The following ZMYM1 variants were observed in gnomAD, a reference collection of about 807,000 sequenced individuals.
ZMYM1 encodes the protein zinc finger MYM-type containing 1, also known as zinc finger MYM-type protein 1.
Under a neutral mutation model 60.0 loss-of-function variants are expected in ZMYM1, and 39 were observed. The observed-to-expected ratio is 0.65, with a 90% CI of 0.50 to 0.85. ZMYM1 has a LOEUF of 0.85. Ranked by LOEUF, ZMYM1 falls within the 40% of genes least tolerant of loss-of-function variation. The pLI is 0.00. For missense variants in ZMYM1, 1,171 were observed against 1,309.5 expected (o/e 0.89, Z 1.63); for synonymous variants, 413 against 454.0 (o/e 0.91, Z 1.15).
At position 35,093,943 on chromosome 1, in the gene ZMYM1, C is replaced by T. The variant is rs1457967560; in HGVS notation, c.-45C>T. 3 of 1,367,374 alleles carry T rather than the reference C, an allele frequency of 2.2e-6. No individual in the cohort carries two copies. Among genetic ancestry groups the T allele is most frequent in the South Asian group, 1.3e-5 (1 of 75,310 alleles). 84.7% of individuals were successfully genotyped at this position (1,367,374 alleles called of 1,614,324 possible). ...CTGGAAACTGTTCTTCAGGAAGAAA[C>T]CCATTAGTTTGGAACTGGAGAATTC... On this transcript the variant is annotated 5_prime_UTR_variant, in exon 2 of 10. Coordinates refer to ENST00000359858, the MANE Select transcript of ZMYM1 (RefSeq NM_024772.5).
chr1:35,096,090 G>A (rs543388364), intron 3 of ZMYM1, among the ~76,000 whole-genome samples, 199 bp downstream of exon 3: 27 of 152,162 alleles, frequency 1.8e-4, no homozygotes, highest in African/African-American at 6.0e-4. Flanking sequence ...CGAGGCAGGC[G>A]GATCATGAGG....
At chr1:35,065,703 T>C (rs917127526) in intron 1 of ZMYM1, among the ~76,000 whole-genome samples, 1 of 146,352 alleles carries the variant, frequency 6.8e-6, no homozygotes, top group African/African-American at 2.5e-5. Context: ...AGGAAGGAAA[T>C]AAAGAGCAGA....
intron 1 of ZMYM1, among the ~76,000 whole-genome samples, chr1:35,087,220 G>C (rs1158891610): frequency 9.3e-5 from 14 of 149,852 alleles, no homozygotes; most frequent in Non-Finnish European, 2.1e-4. Context: ...TCGAACTCCT[G>C]ACTTCAGGTA....
chr1:35,079,717 G>A (rs867139394), intron 1 of ZMYM1, among the ~76,000 whole-genome samples: 5 of 152,334 alleles, frequency 3.3e-5, no homozygotes, highest in East Asian at 1.9e-4. Context: ...CTGCTCCTGT[G>A]TAGTAACTGG....
At chr1:35,074,860 T>A (rs966493145), upstream of ZMYM1, among the ~76,000 whole-genome samples, 11 of 151,578 alleles carry the variant, frequency 7.3e-5, no homozygotes, top group South Asian at 1.0e-3. Context: ...TATATATTTT[T>A]TTTTTTTTTA....
At chr1:35,095,074 A>G (rs942428021) in intron 2 of ZMYM1, among the ~76,000 whole-genome samples, 1 of 152,124 alleles carries the variant, frequency 6.6e-6, no homozygotes, top group Non-Finnish European at 1.5e-5. Context: ...ATGGACATTC[A>G]GGCATAGATC....
intron 1 of ZMYM1, among the ~76,000 whole-genome samples, chr1:35,070,559 A>G (rs1453847531): frequency 6.6e-6 from 1 of 152,158 alleles, no homozygotes; most frequent in African/African-American, 2.4e-5. Flanking sequence ...AACAGAGACA[A>G]TTTGACTTCC....
upstream of ZMYM1, chr1:35,079,322 G>A (rs900250731): frequency 6.6e-6 from 1 of 152,264 alleles, no homozygotes; most frequent in African/African-American, 2.4e-5. Context: ...ACCACCCTGA[G>A]CCAGCGGCCC....
intron 1 of ZMYM1, among the ~76,000 whole-genome samples, chr1:35,063,581 G>A (rs2148474458): frequency 6.6e-6 from 1 of 152,188 alleles, no homozygotes; most frequent in East Asian, 1.9e-4. Context: ...GGGATTACAG[G>A]CACAAGCCAC....
At chr1:35,087,393 T>C (rs1364409593) in intron 1 of ZMYM1, among the ~76,000 whole-genome samples, 1 of 151,460 alleles carries the variant, frequency 6.6e-6, no homozygotes, top group Non-Finnish European at 1.5e-5. Flanking sequence ...TGGAGGTCTA[T>C]ATGTGTATCT....
Position 35,097,489 on chromosome 1 carries a change from C to A in ZMYM1, c.342C>A (p.Ser114=), listed in dbSNP as rs1277259234. The change falls in exon 4 of 10, where the codon TCC becomes TCA. Residue 114 remains serine, a synonymous_variant. Transcript: ENST00000359858. ...AAGGATCTGCTCAACTTTTCTGCTC[C>A]ATACCATGCATCACTGAATACATTT... ...QRKGSAQLFC[S]IPCITEYISS... The A allele has an allele frequency of 6.2e-7, 1 of 1,614,188 alleles. No individual in the cohort carries two copies. Among genetic ancestry groups the A allele is most frequent in the Non-Finnish European group, 8.5e-7 (1 of 1,180,028 alleles).
intron 1 of ZMYM1, among the ~76,000 whole-genome samples, chr1:35,062,624 A>G (rs1641896042): frequency 6.6e-6 from 1 of 152,260 alleles, no homozygotes. Context: ...TGGGCAAATC[A>G]CTTGCCATTT....
chr1:35,082,374 A>G (rs1642431849), intron 1 of ZMYM1, among the ~76,000 whole-genome samples: 1 of 151,140 alleles, frequency 6.6e-6, no homozygotes, highest in South Asian at 2.1e-4. Flanking sequence ...GCTGTCACCC[A>G]GGCTGGAGTG....
intron 4 of ZMYM1, 74 bp from the exon 5 acceptor site, chr1:35,104,221 G>T: frequency 7.8e-7 from 1 of 1,289,156 alleles, no homozygotes; most frequent in East Asian, 2.4e-5. Context: ...TAATTTGAGA[G>T]GTCATTTCAT....
chr1:35,087,587 C>T (rs1211471038), intron 1 of ZMYM1, among the ~76,000 whole-genome samples: 3 of 151,730 alleles, frequency 2.0e-5, no homozygotes, highest in South Asian at 2.1e-4. Context: ...CCACCACGCT[C>T]GGCTAATTTT....
At chr1:35,073,640 AAAG>A (rs1474291295) in intron 1 of ZMYM1, among the ~76,000 whole-genome samples, 1 of 151,870 alleles carries the variant, frequency 6.6e-6, no homozygotes, top group Non-Finnish European at 1.5e-5. Flanking sequence ...TAAAAAAAGA[AAAG>A]AAAAGAAAAA....
chr1:35,115,265 G>C lies in ZMYM1; in HGVS notation c.*6G>C. Reference sequence around the variant, plus strand: ...GTCAGATGAAAGAAATATAATACATGCTCATTTGAACTTACCTAAAAGACT... The same window carrying C: ...GTCAGATGAAAGAAATATAATACATCCTCATTTGAACTTACCTAAAAGACT... On this transcript the variant is annotated 3_prime_UTR_variant, in exon 10 of 10. Transcript: ENST00000359858. 1.3e-6 allele frequency: 2 copies of C among 1,559,742 alleles called. No homozygotes were observed. Among genetic ancestry groups the C allele is most frequent in the Non-Finnish European group, 1.7e-6 (2 of 1,160,270 alleles).
upstream of ZMYM1, among the ~76,000 whole-genome samples, chr1:35,075,473 C>A (rs1325881676): frequency 6.6e-6 from 1 of 151,956 alleles, no homozygotes; most frequent in Non-Finnish European, 1.5e-5. Flanking sequence ...AAAGGAAGCC[C>A]CGGATTGGTT....
rs979299775 is a variant in ZMYM1 at position 35,063,596 on chromosome 1, C to T, written c.-301+3671C>T. 5.9e-5 allele frequency among the ~76,000 whole-genome samples: 9 copies of T among 152,248 alleles called. No individual in the cohort carries two copies. The South Asian group carries it at 1.7e-3, about 28-fold the overall frequency. On this transcript the variant is annotated intron_variant, in intron 1 of 10. Coordinates refer to the ZMYM1 transcript ENST00000417119. ...GGGATTACAGGCACAAGCCACTGAA[C>T]CTAGCTTCTATCTAAATTCTATCGT...
Sources: allele counts gnomAD v4.1 joint callset (sites outside exome capture counted in the v4.1 genomes callset), GRCh38; gene constraint gnomAD v4.1.1; transcripts MANE v1.5; gene names NCBI Gene and HGNC (gene_info 2026-07-23, HGNC 2026-07-21).